The following PAQR5 variants were observed in gnomAD, a reference collection of about 807,000 sequenced individuals.
PAQR5 encodes the protein membrane progestin receptor gamma.
PAQR5 carries 20 observed loss-of-function variants against 34.5 expected under a neutral mutation model. The ratio of observed to expected loss-of-function variants is 0.58; its 90% confidence interval spans 0.41 to 0.84. PAQR5 has a LOEUF of 0.84. PAQR5 is among the 40% of genes least tolerant of loss of function. The pLI is 0.00. For synonymous variants in PAQR5, 131 were observed against 155.6 expected, an observed-to-expected ratio of 0.84 and a Z score of 1.18; for missense variants, 378 against 412.7, an observed-to-expected ratio of 0.92 and a Z score of 0.73.
In PAQR5 at chr15:69,405,740, G is replaced by C. The variant is rs1022648173; in HGVS notation, c.*1918G>C. On this transcript the variant is annotated 3_prime_UTR_variant, in exon 9 of 9. Transcript: ENST00000395407. ...CTCAGTAAGTACTGAAATAATGAGT[G>C]ACCAATTTGAAGGATTTTTAGATTA... The C allele has an allele frequency of 2.0e-5, 3 of 152,158 alleles. No homozygotes were observed. Among genetic ancestry groups the C allele is most frequent in the Admixed American group, 6.5e-5 (1 of 15,272 alleles). 9.4% of individuals were successfully genotyped at this position (152,158 alleles called of 1,614,324 possible).
intron 2 of PAQR5, among the ~76,000 whole-genome samples, chr15:69,353,467 G>C (rs564636422): frequency 3.9e-5 from 6 of 152,328 alleles, no homozygotes; most frequent in African/African-American, 1.4e-4. Flanking sequence ...ATGGGCCCAT[G>C]CTCATGGAAT....
intron 2 of PAQR5, among the ~76,000 whole-genome samples, chr15:69,339,928 ACAATCTTGGCT>A (rs1227311709): frequency 1.3e-5 from 2 of 151,914 alleles, no homozygotes; most frequent in Non-Finnish European, 1.5e-5. Context: ...GTGCAATGGC[ACAATCTTGGCT>A]CACCGCAACC....
At chr15:69,306,101 T>C (rs761595746) in intron 1 of PAQR5, among the ~76,000 whole-genome samples, 1 of 152,098 alleles carries the variant, frequency 6.6e-6, no homozygotes, top group Non-Finnish European at 1.5e-5. Flanking sequence ...AGGGAAGACA[T>C]GGCTGTCAGG....
intron 2 of PAQR5, among the ~76,000 whole-genome samples, chr15:69,342,635 T>C (rs1385744814): frequency 6.6e-6 from 1 of 152,156 alleles, no homozygotes; most frequent in Non-Finnish European, 1.5e-5. Context: ...ATTCAGTCCT[T>C]GGAGGTGGTG....
chr15:69,403,532 C>T, intron 8 of PAQR5, 49 bp from the exon 9 acceptor site: 1 of 1,592,332 alleles, frequency 6.3e-7, no homozygotes, highest in Non-Finnish European at 8.6e-7. Context: ...TGTATCAGTA[C>T]TCATTCCTTT....
chr15:69,395,642 C>G (rs1347044171), intron 6 of PAQR5, among the ~76,000 whole-genome samples: 1 of 152,160 alleles, frequency 6.6e-6, no homozygotes, highest in African/African-American at 2.4e-5. Flanking sequence ...AGGAGGTACA[C>G]AAAGGTTAGT....
At chr15:69,323,861 T>G (rs1380884818) in intron 1 of PAQR5, among the ~76,000 whole-genome samples, 2 of 152,144 alleles carry the variant, frequency 1.3e-5, no homozygotes, top group Non-Finnish European at 2.9e-5. Context: ...ATTACGAGAT[T>G]TAGGCTGTTC....
chr15:69,334,523 G>A (rs993912516), intron 1 of PAQR5, among the ~76,000 whole-genome samples: 1 of 152,176 alleles, frequency 6.6e-6, no homozygotes, highest in Non-Finnish European at 1.5e-5. Context: ...GACATGTGGA[G>A]AGCCATGCCC....
intron 3 of PAQR5, among the ~76,000 whole-genome samples, chr15:69,375,465 A>G (rs1218871719): frequency 6.6e-6 from 1 of 152,188 alleles, no homozygotes; most frequent in Non-Finnish European, 1.5e-5. Flanking sequence ...GTTGCCTCCC[A>G]GATTTAGTTC....
chr15:69,384,160 T>C (rs889120316), intron 4 of PAQR5, among the ~76,000 whole-genome samples: 1 of 131,580 alleles, frequency 7.6e-6, no homozygotes, highest in Non-Finnish European at 1.6e-5. Context: ...TCTGTGCTCA[T>C]GGTGGAGGGT....
intron 1 of PAQR5, among the ~76,000 whole-genome samples, chr15:69,311,310 G>A (rs527442160): frequency 1.4e-4 from 21 of 152,116 alleles, no homozygotes; most frequent in Non-Finnish European, 1.3e-4. Flanking sequence ...CTGTGTTCAC[G>A]AGATGGCAGA....
At chr15:69,373,702 C>T (rs1320134572) in intron 3 of PAQR5, among the ~76,000 whole-genome samples, 2 of 152,152 alleles carry the variant, frequency 1.3e-5, no homozygotes, top group Admixed American at 1.3e-4. Context: ...CTCCCAGGTT[C>T]AAGTGATTCT....
intron 2 of PAQR5, among the ~76,000 whole-genome samples, chr15:69,353,548 A>G (rs1218718653): frequency 1.3e-5 from 2 of 152,180 alleles, no homozygotes; most frequent in Non-Finnish European, 2.9e-5. Flanking sequence ...GGCCTTTTGA[A>G]GTCATAATTA....
At chr15:69,308,648 G>A (rs2053767516) in intron 1 of PAQR5, among the ~76,000 whole-genome samples, 1 of 152,144 alleles carries the variant, frequency 6.6e-6, no homozygotes, top group Admixed American at 6.5e-5. Flanking sequence ...TGGTCTAAGG[G>A]TCAAAAAGGT....
At chr15:69,403,299 AATG>A (rs1399972807) in intron 8 of PAQR5, among the ~76,000 whole-genome samples, 5 of 152,208 alleles carry the variant, frequency 3.3e-5, no homozygotes, top group Non-Finnish European at 7.3e-5. Flanking sequence ...TATACAATTT[AATG>A]ATATTTTCAG....
In PAQR5 at chr15:69,338,800, T is replaced by G. The variant is rs548427889; in HGVS notation, c.-116+1299T>G. Reference sequence around the variant, plus strand: ...TTTTTCATTTCTGGGCATAGGCTGATCTAACTCTGGGAGAAACTTACTTTG... The same window carrying G: ...TTTTTCATTTCTGGGCATAGGCTGAGCTAACTCTGGGAGAAACTTACTTTG... On this transcript the variant is annotated intron_variant, in intron 2 of 8. Coordinates refer to ENST00000395407, the MANE Select transcript of PAQR5 (RefSeq NM_017705.4). 7.2e-5 allele frequency among the ~76,000 whole-genome samples: 11 copies of G among 152,358 alleles called. No individual in the cohort carries two copies. In the South Asian group the frequency reaches 2.3e-3, roughly 32 times the overall value.
At chr15:69,301,747 C>T (rs1169248567) in intron 1 of PAQR5, among the ~76,000 whole-genome samples, 1 of 151,878 alleles carries the variant, frequency 6.6e-6, no homozygotes, top group African/African-American at 2.4e-5. Context: ...CCTTTCTCAG[C>T]ATCTTGGCAT....
At chr15:69,364,658 T>C (rs1391335180) in intron 3 of PAQR5, among the ~76,000 whole-genome samples, 1 of 151,632 alleles carries the variant, frequency 6.6e-6, no homozygotes, top group Non-Finnish European at 1.5e-5. Context: ...TGTGTGTGTG[T>C]GTGTATAAGT....
chr15:69,339,036 G>T (rs570984783), intron 2 of PAQR5, among the ~76,000 whole-genome samples: 47 of 152,166 alleles, frequency 3.1e-4, no homozygotes, highest in African/African-American at 1.1e-3. Context: ...GGATCAGCAG[G>T]CACCGCTCAG....
Sources: gnomAD v4.1 joint callset for allele counts (sites outside exome capture counted in the v4.1 genomes callset) on GRCh38, gnomAD v4.1.1 for gene constraint, MANE v1.5 for transcripts, NCBI Gene and HGNC (gene_info 2026-07-23, HGNC 2026-07-21) for gene names.